MCTP1: variants seen among roughly 807,000 people sequenced by gnomAD.
MCTP1 encodes the protein multiple C2 and transmembrane domain containing 1.
In MCTP1, 69 loss-of-function variants were observed where a neutral mutation model predicts 120.6. The observed-to-expected ratio is 0.57, with a 90% CI of 0.47 to 0.70. The LOEUF (loss-of-function observed/expected upper bound fraction) is 0.70. MCTP1 is among the 30% of genes least tolerant of loss of function. The pLI is 0.00. For missense variants in MCTP1, 1,203 were observed against 1,248.8 expected, an observed-to-expected ratio of 0.96 and a Z score of 0.55; for synonymous variants, 529 against 493.1, an observed-to-expected ratio of 1.07 and a Z score of -0.96.
At chr5:95,206,983 C>A (rs966934892) in intron 1 of MCTP1, among the ~76,000 whole-genome samples, 5 of 151,780 alleles carry the variant, frequency 3.3e-5, no homozygotes, top group African/African-American at 9.7e-5. Flanking sequence ...ATATTTATAC[C>A]CACTGACATA....
chr5:95,129,611 T>A (rs1758885379), intron 1 of MCTP1, among the ~76,000 whole-genome samples: 1 of 152,188 alleles, frequency 6.6e-6, no homozygotes, highest in Non-Finnish European at 1.5e-5. Flanking sequence ...GTAGACAGAT[T>A]TATTCAATCC....
At chr5:95,091,021 T>A (rs141124044) in intron 1 of MCTP1, among the ~76,000 whole-genome samples, 8 of 152,258 alleles carry the variant, frequency 5.3e-5, no homozygotes, top group African/African-American at 1.9e-4. Flanking sequence ...AGTCTATCAA[T>A]CAAATTACTT....
At chr5:94,771,784 T>A (rs1290634071) in intron 19 of MCTP1, among the ~76,000 whole-genome samples, 1 of 152,174 alleles carries the variant, frequency 6.6e-6, no homozygotes, top group East Asian at 1.9e-4. Context: ...AGTTTCCTAT[T>A]GCTGCTGTAA....
At chr5:94,853,613 T>G (rs1794172036) in intron 17 of MCTP1, among the ~76,000 whole-genome samples, 1 of 151,904 alleles carries the variant, frequency 6.6e-6, no homozygotes, top group Non-Finnish European at 1.5e-5. Context: ...ATTTATCATC[T>G]TATAATGAAG....
intron 17 of MCTP1, among the ~76,000 whole-genome samples, chr5:94,799,492 C>T (rs749119011): frequency 1.3e-5 from 2 of 152,094 alleles, no homozygotes; most frequent in South Asian, 2.1e-4. Flanking sequence ...CCTGGTTTAT[C>T]TGCCTTAATG....
chr5:94,996,707 G>A (rs1832692171), intron 2 of MCTP1, among the ~76,000 whole-genome samples: 1 of 152,052 alleles, frequency 6.6e-6, no homozygotes, highest in South Asian at 2.1e-4. Context: ...AATATTTTCA[G>A]TCCAAGGTTG....
intron 12 of MCTP1, among the ~76,000 whole-genome samples, chr5:94,883,246 A>G (rs944933447): frequency 1.3e-5 from 2 of 152,204 alleles, no homozygotes; most frequent in Admixed American, 1.3e-4. Context: ...TTACCGTGAT[A>G]AGAACAGCAG....
intron 1 of MCTP1, among the ~76,000 whole-genome samples, chr5:95,092,005 A>T (rs1755883514): frequency 6.6e-6 from 1 of 152,212 alleles, no homozygotes; most frequent in East Asian, 1.9e-4. Context: ...GCTCAAAGGG[A>T]AGTGAGAAAA....
At chr5:94,836,741 C>T (rs1789875937) in intron 17 of MCTP1, among the ~76,000 whole-genome samples, 1 of 152,138 alleles carries the variant, frequency 6.6e-6, no homozygotes. Context: ...TTTGCAATTT[C>T]CTATTTACAA....
intron 1 of MCTP1, among the ~76,000 whole-genome samples, chr5:95,106,960 A>G (rs1002184844): frequency 6.6e-6 from 1 of 152,170 alleles, no homozygotes; most frequent in African/African-American, 2.4e-5. Context: ...AAGCTATTCA[A>G]TGAGAATCAG....
At chr5:95,249,882 T>C (rs1183754581) in intron 1 of MCTP1, among the ~76,000 whole-genome samples, 1 of 152,042 alleles carries the variant, frequency 6.6e-6, no homozygotes, top group African/African-American at 2.4e-5. Flanking sequence ...CTAGAAACCA[T>C]CAATCTAAGC....
chr5:94,757,512 T>C (rs966952791), intron 19 of MCTP1, among the ~76,000 whole-genome samples: 1 of 152,166 alleles, frequency 6.6e-6, no homozygotes, highest in African/African-American at 2.4e-5. Context: ...TGAAAGGAAG[T>C]TAGTTTTAGA....
At position 94,927,884 on chromosome 5, in the gene MCTP1, T is replaced by C. The variant is rs565722986; in HGVS notation, c.1213-3863A>G. Among the ~76,000 whole-genome samples the C allele has an allele frequency of 7.9e-5, 12 of 152,236 alleles. No individual in the cohort carries two copies. In the South Asian group the frequency reaches 2.5e-3, roughly 32 times the overall value. ...CATTCAACCAATGAATAAAGTGTTT[T>C]ATAGTTCATTAAAATTATGCTAAGT... On this transcript the variant is annotated intron_variant, in intron 6 of 22. Transcript: ENST00000515393.
intron 1 of MCTP1, among the ~76,000 whole-genome samples, chr5:95,274,752 T>C (rs1345809098): frequency 1.3e-5 from 2 of 152,080 alleles, no homozygotes; most frequent in Admixed American, 6.5e-5. Context: ...GACTCCTGAG[T>C]AGCTGGGACT....
chr5:94,917,418 A>G (rs749306037), intron 8 of MCTP1, among the ~76,000 whole-genome samples: 2 of 152,196 alleles, frequency 1.3e-5, no homozygotes, highest in Non-Finnish European at 2.9e-5. Context: ...AGGAAGGAAT[A>G]ATCTTTGAAC....
intron 1 of MCTP1, among the ~76,000 whole-genome samples, chr5:95,087,374 A>G (rs1755512998): frequency 6.6e-6 from 1 of 152,216 alleles, no homozygotes; most frequent in Non-Finnish European, 1.5e-5. Flanking sequence ...AGGCACACAC[A>G]TTACCAGTAG....
At chr5:95,119,453 A>T (rs1250841649) in intron 1 of MCTP1, among the ~76,000 whole-genome samples, 1 of 152,208 alleles carries the variant, frequency 6.6e-6, no homozygotes, top group Admixed American at 6.5e-5. Context: ...AGGCAAGCTA[A>T]CAATGCATCT....
intron 10 of MCTP1, among the ~76,000 whole-genome samples, chr5:94,900,730 A>G (rs554623132): frequency 6.6e-6 from 1 of 152,320 alleles, no homozygotes; most frequent in African/African-American, 2.4e-5. Flanking sequence ...TTCAGAAAAC[A>G]GAAATTTTAA....
chr5:95,011,628 A>C (rs375384018), intron 2 of MCTP1, among the ~76,000 whole-genome samples: 14 of 150,820 alleles, frequency 9.3e-5, no homozygotes, highest in Admixed American at 4.0e-4. Context: ...CTCTCTCTCC[A>C]GCCAGGACAT....
Sources: gnomAD v4.1 joint callset for allele counts (sites outside exome capture counted in the v4.1 genomes callset) on GRCh38, gnomAD v4.1.1 for gene constraint, MANE v1.5 for transcripts, NCBI Gene and HGNC (gene_info 2026-07-23, HGNC 2026-07-21) for gene names.